KIF7: variants seen among roughly 807,000 people sequenced by gnomAD.
KIF7 encodes the protein kinesin-like protein KIF7.
KIF7 carries 104 observed loss-of-function variants against 135.7 expected under a neutral mutation model. The observed-to-expected ratio is 0.77, with a 90% CI of 0.65 to 0.90. KIF7 has a LOEUF of 0.90. KIF7 is among the 40% of genes least tolerant of loss of function. The pLI, the probability that KIF7 is intolerant of heterozygous loss-of-function variation, is 0.00. For missense variants in KIF7, 2,005 were observed against 1,839.1 expected, an observed-to-expected ratio of 1.09 and a Z score of -1.65; for synonymous variants, 883 against 809.4, an observed-to-expected ratio of 1.09 and a Z score of -1.54.
chr15:89,642,486 C>CA (rs1963942513), intron 10 of KIF7, 81 bp from the exon 11 acceptor site: 1 of 1,285,554 alleles, frequency 7.8e-7, no homozygotes, highest in South Asian at 1.4e-5. Flanking sequence ...GGAGGTTTCC[C>CA]AGCCCTTGGA....
At chr15:89,626,117 C>G, downstream of KIF7, 1 of 1,588,842 alleles carries the variant, frequency 6.3e-7, no homozygotes, top group Middle Eastern at 1.7e-4. Flanking sequence ...CTGAATTCAC[C>G]AGGGTTGCCA....
chr15:89,634,157 G>A (rs1175387737), intron 11 of KIF7, among the ~76,000 whole-genome samples: 1 of 152,148 alleles, frequency 6.6e-6, no homozygotes, highest in Non-Finnish European at 1.5e-5. Flanking sequence ...AAATTAGCTG[G>A]GTTTGGTGGT....
At chr15:89,634,713 C>A (rs898677458) in intron 11 of KIF7, among the ~76,000 whole-genome samples, 5 of 152,178 alleles carry the variant, frequency 3.3e-5, no homozygotes, top group African/African-American at 1.2e-4. Flanking sequence ...GCACAGCAGT[C>A]GGAGATCAAA....
chr15:89,631,527 T>C lies in KIF7; in HGVS notation c.3079A>G (p.Lys1027Glu). Residue 1027 changes from lysine (K) to glutamate (E), a missense_variant, in exon 15 of 19, where the codon AAG becomes GAG. Physicochemically the swap from Lys to Glu is moderately conservative, Grantham distance 56. Coordinates refer to ENST00000394412, the MANE Select transcript of KIF7 (RefSeq NM_198525.3). ...LLKQRLEIDG[K>E]LRQGSLLSPE... ...GACAGCAGACTCCCCTGCCTCAGCT[T>C]GCCGTCGATCTCCAGGCGCTGCTTG... 6.3e-7 allele frequency: 1 copy of C among 1,582,914 alleles called. No homozygotes were observed. Among genetic ancestry groups the C allele is most frequent in the Non-Finnish European group, 8.6e-7 (1 of 1,163,904 alleles).
Position 89,633,903 on chromosome 15 carries a change from C to G in KIF7, c.2395-20G>C. 6.2e-7 allele frequency: 1 copy of G among 1,613,396 alleles called. No homozygotes were observed. Among genetic ancestry groups the G allele is most frequent in the South Asian group, 1.1e-5 (1 of 91,078 alleles). ...CAGCACCTGGGACCCACACAGTCTT[C>G]ACTGGGCCATGCACGGGGCTACCGC... On this transcript the variant is annotated intron_variant, in intron 11 of 18. Transcript: ENST00000394412.
At chr15:89,625,128 C>G (rs1567053707), downstream of KIF7, 2 of 1,613,930 alleles carry the variant, frequency 1.2e-6, no homozygotes, top group Non-Finnish European at 1.7e-6. Context: ...CTGCTCTCAG[C>G]ATGCCCAGGG....
intron 11 of KIF7, among the ~76,000 whole-genome samples, chr15:89,634,625 T>A (rs1963763399): frequency 6.6e-6 from 1 of 152,184 alleles, no homozygotes; most frequent in Admixed American, 6.5e-5. Context: ...CCGATGGGCT[T>A]AAAAAAGGCA....
At chr15:89,626,836 C>A, downstream of KIF7, 1 of 1,114,270 alleles carries the variant, frequency 9.0e-7, no homozygotes, top group Non-Finnish European at 1.3e-6. Flanking sequence ...AGCGAACCTC[C>A]AAGCAGTGCT....
chr15:89,632,917 C>G lies in KIF7; in HGVS notation c.2798G>C (p.Gly933Ala), dbSNP rs1372059117. 6.2e-7 allele frequency: 1 copy of G among 1,610,846 alleles called. No homozygotes were observed. Among genetic ancestry groups the G allele is most frequent in the Admixed American group, 1.7e-5 (1 of 59,984 alleles). Reference protein sequence around the residue: ...LQQRRALEELGEELHKREAIL... With the variant: ...LQQRRALEELAEELHKREAIL... ...GGCCTCCCGCTTGTGGAGCTCCTCC[C>G]CCAGCTCCTCCAGCGCCCGCCGCTG... is the stretch of plus-strand genomic sequence containing the variant. Residue 933 changes from glycine to alanine, a missense_variant, in exon 14 of 19, where the codon GGG becomes GCG. Coordinates refer to ENST00000394412, the MANE Select transcript of KIF7 (RefSeq NM_198525.3).
chr15:89,631,812 A>G, intron 14 of KIF7, 102 bp from the exon 15 acceptor site: 1 of 974,662 alleles, frequency 1.0e-6, no homozygotes, highest in South Asian at 1.7e-5. Flanking sequence ...CCTTCCCTCA[A>G]GAAACCAACA....
rs746600720 is a variant in KIF7, at chr15:89,646,946, A to T, written c.1672T>A (p.Ser558Thr). The change falls in exon 7 of 19, where the codon TCC (serine) becomes ACC (threonine). Residue 558 changes from serine to threonine, a missense_variant. Physicochemically the swap from Ser to Thr is moderately conservative, Grantham distance 58. Transcript: ENST00000394412. ...GCTGTATGAGGTCGAGGCACAAAGGACCCGGGAGGCAGGCCATTCAGGAGC... is the reference window on the plus strand; with the variant it reads ...GCTGTATGAGGTCGAGGCACAAAGGTCCCGGGAGGCAGGCCATTCAGGAGC... ...PRLLNGLPPG[S>T]FVPRPHTAPL... The T allele has an allele frequency of 1.1e-5, 17 of 1,613,472 alleles. No individual in the cohort carries two copies. The East Asian group carries it at 3.8e-4, about 36-fold the overall frequency.
intron 13 of KIF7, 27 bp from the exon 14 acceptor site, chr15:89,633,023 G>GGAGGGAGT: frequency 6.3e-7 from 1 of 1,588,168 alleles, no homozygotes; most frequent in Non-Finnish European, 8.6e-7. Context: ...AGGGAGGGAG[G>GGAGGGAGT]GAACTCAGGG....
In KIF7 at chr15:89,632,828, A is replaced by T. The variant is rs567836651; in HGVS notation, c.2887T>A (p.Ser963Thr). 44 of 1,605,274 alleles carry T rather than the reference A, an allele frequency of 2.7e-5. No individual in the cohort carries two copies. Among genetic ancestry groups the T allele is most frequent in the Non-Finnish European group, 3.6e-5 (42 of 1,179,438 alleles). ...KTGLESKRLR[S>T]SQALNEDIVR... is the part of the protein sequence containing the mutation. Reference sequence around the variant, plus strand: ...TCCTGGCAGGGCCTCACCTGGCTGGATCTCAGGCGCTTGCTCTCCAGCCCC... The same window carrying T: ...TCCTGGCAGGGCCTCACCTGGCTGGTTCTCAGGCGCTTGCTCTCCAGCCCC... Residue 963 changes from serine (S) to threonine (T), a missense_variant, in exon 14 of 19, where the codon TCC becomes ACC. Physicochemically the swap from Ser to Thr is moderately conservative, Grantham distance 58. Coordinates refer to ENST00000394412, the MANE Select transcript of KIF7 (RefSeq NM_198525.3).
chr15:89,645,146 G>A lies in KIF7; in HGVS notation c.2058C>T (p.Ala686=), dbSNP rs1194348040. 1.2e-6 allele frequency: 2 copies of A among 1,604,302 alleles called. No individual in the cohort carries two copies. The highest frequency in any genetic ancestry group is 1.7e-6 in the Non-Finnish European group (2 of 1,179,982). ...GGGGGACCTGGCGGGCCTGAACTCG[G>A]GCCTTGCTCCCACCAACTGCTGCAA... The part of the protein sequence containing the change: ...PGSRAVGGSK[A]RVQARQVPPA... Residue 686 remains alanine (A), a synonymous_variant, in exon 10 of 19, where the codon GCC becomes GCT. Transcript: ENST00000394412.
downstream of KIF7, among the ~76,000 whole-genome samples, chr15:89,626,451 G>A (rs1963528595): frequency 6.6e-6 from 1 of 152,188 alleles, no homozygotes; most frequent in African/African-American, 2.4e-5. Flanking sequence ...GTGGGACACA[G>A]TACTGACTGT....
Position 89,642,257 on chromosome 15 carries a change from C to T in KIF7, c.2340G>A (p.Arg780=). The T allele has an allele frequency of 1.2e-6, 2 of 1,610,494 alleles. No homozygotes were observed. The highest frequency in any genetic ancestry group is 1.7e-6 in the Non-Finnish European group (2 of 1,179,756). Residue 780 remains arginine, a synonymous_variant, in exon 11 of 19, where the codon CGG becomes CGA. Coordinates refer to ENST00000394412, the MANE Select transcript of KIF7 (RefSeq NM_198525.3). ...TCCTGCGGAACTCCTGGAGCCGAGACCGCTCGCCAGCATCCTGGAGCTCCT... is the reference window on the plus strand; with the variant it reads ...TCCTGCGGAACTCCTGGAGCCGAGATCGCTCGCCAGCATCCTGGAGCTCCT... ...EGKELQDAGE[R]SRLQEFRRRV...
intron 10 of KIF7, among the ~76,000 whole-genome samples, 166 bp from the exon 11 acceptor site, chr15:89,642,571 C>CTATT (rs919605766): frequency 6.6e-6 from 1 of 152,066 alleles, no homozygotes; most frequent in African/African-American, 2.4e-5. Context: ...CAAATCAACT[C>CTATT]TATTTATTTA....
chr15:89,631,355 C>A, intron 15 of KIF7, 140 bp downstream of exon 15: 2 of 754,502 alleles, frequency 2.7e-6, no homozygotes, highest in African/African-American at 1.7e-5. Flanking sequence ...CCCCAGCCCC[C>A]ACCTCCACCT....
chr15:89,653,817 A>G (rs1236541046), intron 1 of KIF7, among the ~76,000 whole-genome samples: 1 of 152,036 alleles, frequency 6.6e-6, no homozygotes, highest in East Asian at 1.9e-4. Context: ...TATGTTGCCC[A>G]GGCTGGTCTT....
Sources: allele counts gnomAD v4.1 joint callset (sites outside exome capture counted in the v4.1 genomes callset), GRCh38; gene constraint gnomAD v4.1.1; transcripts MANE v1.5; gene names NCBI Gene and HGNC (gene_info 2026-07-23, HGNC 2026-07-21).